The following KIAA0586 variants were observed in gnomAD, a reference collection of about 807,000 sequenced individuals.
KIAA0586 encodes the protein protein TALPID3.
KIAA0586 carries 144 observed loss-of-function variants against 169.8 expected under a neutral mutation model. That is an observed-to-expected ratio of 0.85 (90% CI 0.74 to 0.97). The LOEUF (loss-of-function observed/expected upper bound fraction) is 0.97, where lower values mean the gene tolerates loss of function less well. Among genes scored for constraint, KIAA0586 ranks in the 50% least tolerant of loss-of-function variants. The probability of loss-of-function intolerance (pLI) is 0.00; values close to 1 mark genes in which losing one functional copy is unlikely to be tolerated. For synonymous variants in KIAA0586, 625 were observed against 612.4 expected, an observed-to-expected ratio of 1.02 and a Z score of -0.30; for missense variants, 1,854 against 1,823.0, an observed-to-expected ratio of 1.02 and a Z score of -0.31.
intron 29 of KIAA0586, chr14:58,521,510 TTCC>T: frequency 6.5e-6 from 5 of 764,020 alleles, no homozygotes; most frequent in South Asian, 2.7e-5. Context: ...CCAGCACATG[TTCC>T]TCCTCCTCCT....
At chr14:58,522,102 C>T (rs1444983786) in intron 29 of KIAA0586, 2 of 646,808 alleles carry the variant, frequency 3.1e-6, no homozygotes, top group African/African-American at 3.6e-5. Flanking sequence ...CACATGCTCA[C>T]TGTTCTCCCA....
chr14:58,555,504 A>G (rs560411378), downstream of KIAA0586, among the ~76,000 whole-genome samples: 189 of 152,266 alleles, frequency 1.2e-3, 4 homozygotes, highest in Admixed American at 5.2e-4. Context: ...CATAAAACCC[A>G]TTTGTAAATT....
At chr14:58,450,382 C>T (rs2039266194) in intron 7 of KIAA0586, among the ~76,000 whole-genome samples, 197 bp from the exon 8 acceptor site, 1 of 152,058 alleles carries the variant, frequency 6.6e-6, no homozygotes, top group African/African-American at 2.4e-5. Context: ...TTCGTATTTA[C>T]TAGATGTAAG....
chr14:58,450,670 T>G lies in KIAA0586; in HGVS notation c.1053T>G (p.Val351=). The change falls in exon 8 of 31, where the codon GTT becomes GTG. Residue 351 remains valine (V), a synonymous_variant. Transcript: ENST00000652326. ...CTCGCAGATTTGCTCCTGTACCTGTTTCAAGGGATGATGAACTATCAAAGA... is the reference window on the plus strand; with the variant it reads ...CTCGCAGATTTGCTCCTGTACCTGTGTCAAGGGATGATGAACTATCAAAGA... The part of the protein sequence containing the change: ...PAPRRFAPVP[V]SRDDELSKRE... 1 of 1,609,956 alleles carries G rather than the reference T, an allele frequency of 6.2e-7. No homozygotes were observed. Among genetic ancestry groups the G allele is most frequent in the Non-Finnish European group, 8.5e-7 (1 of 1,176,288 alleles).
At chr14:58,510,742 A>G (rs2044329330) in intron 28 of KIAA0586, among the ~76,000 whole-genome samples, 1 of 152,196 alleles carries the variant, frequency 6.6e-6, no homozygotes, top group South Asian at 2.1e-4. Flanking sequence ...TCAACTGGTA[A>G]ATGGACAAAT....
chr14:58,472,989 G>A (rs1229263886), intron 18 of KIAA0586, among the ~76,000 whole-genome samples: 7 of 144,912 alleles, frequency 4.8e-5, no homozygotes, highest in Admixed American at 2.2e-4. Flanking sequence ...TTGAAGACAG[G>A]GACCTTATTT....
At chr14:58,472,373 G>T (rs1483011644) in intron 18 of KIAA0586, 94 bp downstream of exon 18, 4 of 540,096 alleles carry the variant, frequency 7.4e-6, no homozygotes, top group Non-Finnish European at 9.4e-6. Flanking sequence ...ATGTTACAGT[G>T]CTTTGAGATA....
In KIAA0586 at chr14:58,531,326, CAAA is replaced by C. The variant is rs1025870057; in HGVS notation, c.4430-8732_4430-8730del. Among the ~76,000 whole-genome samples the C allele has an allele frequency of 4.9e-3, 469 of 96,164 alleles. 4 individuals are homozygous for C. The highest frequency in any genetic ancestry group is 0.016 in the African/African-American group (448 of 28,842). 63.1% of individuals were successfully genotyped at this position (96,164 alleles called of 152,430 possible). Reference sequence around the variant, plus strand: ...TGGGGGACAGACCGAGACTCCGTCTCAAAAAAAAAAAAAAATAAAATAAATAAA... The same window carrying C: ...TGGGGGACAGACCGAGACTCCGTCTCAAAAAAAAAAAATAAAATAAATAAA... On this transcript the variant is annotated intron_variant, in intron 29 of 30. Coordinates refer to ENST00000652326, the MANE Select transcript of KIAA0586 (RefSeq NM_001329943.3).
In KIAA0586 at chr14:58,453,522, A is replaced by C. The variant is rs1748975; in HGVS notation, c.1253+49A>C. On this transcript the variant is annotated intron_variant, in intron 9 of 30. Transcript: ENST00000652326. ...AAACTAGATTGAAAAGAGTTTTGTT[A>C]AGATTTTTCAAATTTCTTTGGGACT... is the stretch of plus-strand genomic sequence containing the variant. The C allele has an allele frequency of 1, 1,329,850 of 1,334,066 alleles. 662,929 individuals are homozygous for C. Among genetic ancestry groups the C allele is most frequent in the East Asian group, 1 (33,798 of 33,798 alleles). The allele number at this position is 1,334,066 out of a possible 1,614,324, so 82.6% of individuals were successfully genotyped here. A position where few individuals can be genotyped will look rare whatever the true frequency, so the allele number is the denominator to read the frequency against.
Position 58,458,526 on chromosome 14 carries a change from C to G in KIAA0586, c.1637C>G (p.Thr546Ser). Reference protein sequence around the residue: ...IRKTVDEWIKTISAEIQDELS... With the variant: ...IRKTVDEWIKSISAEIQDELS... The stretch of plus-strand genomic sequence containing the variant: ...AAGACAGTGGATGAATGGATTAAAA[C>G]TATTTCTGCAGAAATTCAGGTATGT... Residue 546 changes from threonine (T) to serine (S), a missense_variant, in exon 12 of 31, where the codon ACT becomes AGT. Thr to Ser is a moderately conservative substitution (Grantham distance 58). Transcript: ENST00000652326. 1 of 1,538,540 alleles carries G rather than the reference C, an allele frequency of 6.5e-7. No individual in the cohort carries two copies. The highest frequency in any genetic ancestry group is 2.0e-5 in the Admixed American group (1 of 50,098).
chr14:58,512,459 C>A, intron 28 of KIAA0586, 63 bp from the exon 29 acceptor site: 4 of 858,668 alleles, frequency 4.7e-6, no homozygotes, highest in South Asian at 2.0e-5. Context: ...AATAATTTGA[C>A]TTCTCAGATT....
chr14:58,481,580 G>T (rs2042031243), intron 20 of KIAA0586, among the ~76,000 whole-genome samples: 1 of 152,192 alleles, frequency 6.6e-6, no homozygotes, highest in Admixed American at 6.5e-5. Flanking sequence ...GTTGTATTCA[G>T]ATGAGGGCAT....
the KIAA0586 span, among the ~76,000 whole-genome samples, chr14:58,560,442 A>G: frequency 4.6e-5 from 7 of 152,210 alleles, no homozygotes; most frequent in Non-Finnish European, 8.8e-5. Context: ...GCTGAAGTGC[A>G]TTTTGACACT....
At chr14:58,561,897 A>T in the KIAA0586 span, among the ~76,000 whole-genome samples, 8 of 152,208 alleles carry the variant, frequency 5.3e-5, no homozygotes, top group African/African-American at 1.9e-4. Flanking sequence ...GTACACAAGA[A>T]ATCTTTTTCT....
rs1470853141 is a variant in KIAA0586 at position 58,442,843 on chromosome 14, C to G, written c.548C>G (p.Thr183Ser). ...TCAGCTACAACCGTGGCTGCAGCAA[C>G]TGCTGCTGCCATTGCAACCGCAGCT... ...IDSATTVAAA[T>S]AAAIATAAPL... is the part of the protein sequence containing the mutation. Residue 183 changes from threonine to serine, a missense_variant, in exon 5 of 31, where the codon ACT (threonine) becomes AGT (serine). Transcript: ENST00000652326. 6.2e-7 allele frequency: 1 copy of G among 1,609,016 alleles called. No individual in the cohort carries two copies. Among genetic ancestry groups the G allele is most frequent in the South Asian group, 1.1e-5 (1 of 90,062 alleles).
At chr14:58,516,059 C>T (rs1279245993) in intron 29 of KIAA0586, among the ~76,000 whole-genome samples, 1 of 152,126 alleles carries the variant, frequency 6.6e-6, no homozygotes, top group Non-Finnish European at 1.5e-5. Context: ...CAGGAAGAGA[C>T]ACCAGGCACC....
At position 58,467,720 on chromosome 14, in the gene KIAA0586, T is replaced by A; in HGVS notation, c.2255-15T>A. 2 of 1,580,154 alleles carry A rather than the reference T, an allele frequency of 1.3e-6. No homozygotes were observed. Among genetic ancestry groups the A allele is most frequent in the Non-Finnish European group, 1.7e-6 (2 of 1,164,248 alleles). On this transcript the variant is annotated splice_polypyrimidine_tract_variant and intron_variant, in intron 15 of 30. Transcript: ENST00000652326. The stretch of plus-strand genomic sequence containing the variant: ...TCTGAACTAGTTGACTTATTTTTTC[T>A]CCTAAACTTCTTAGGACAAACCCAA...
rs542449532 is a variant in KIAA0586 at position 58,523,719 on chromosome 14, A to ATATTATTATTATTATTAT, written c.4429+11103_4429+11120dup. Among the ~76,000 whole-genome samples, 364 of 149,032 alleles carry ATATTATTATTATTATTAT rather than the reference A, an allele frequency of 2.4e-3. 6 individuals are homozygous for ATATTATTATTATTATTAT. The highest frequency in any genetic ancestry group is 8.0e-3 in the African/African-American group (324 of 40,614). ...GAGTAGCATCTGATCTTTTAATTGA[A>ATATTATTATTATTATTAT]TATTATTATTATTATTATTATTATT... On this transcript the variant is annotated intron_variant, in intron 29 of 30. Transcript: ENST00000652326.
At chr14:58,498,709 ATATTT>A in intron 26 of KIAA0586, 69 bp from the exon 27 acceptor site, 1 of 1,312,352 alleles carries the variant, frequency 7.6e-7, no homozygotes, top group Non-Finnish European at 1.0e-6. Context: ...ATTGTTCATG[ATATTT>A]GGCAAAGATT....
Sources: allele counts gnomAD v4.1 joint callset (sites outside exome capture counted in the v4.1 genomes callset), GRCh38; gene constraint gnomAD v4.1.1; transcripts MANE v1.5; gene names NCBI Gene and HGNC (gene_info 2026-07-23, HGNC 2026-07-21).